The following LDLRAD3 variants were observed in gnomAD, a reference collection of about 807,000 sequenced individuals.
LDLRAD3 encodes low density lipoprotein receptor class A domain containing 3, also known as low-density lipoprotein receptor class A domain-containing protein 3.
A neutral mutation model predicts 29.4 loss-of-function variants in LDLRAD3; 20 were observed. The observed-to-expected ratio is 0.68, with a 90% CI of 0.48 to 0.99. The LOEUF (loss-of-function observed/expected upper bound fraction) is 0.99. LDLRAD3 is among the 50% of genes least tolerant of loss of function. The pLI is 0.00. For missense variants in LDLRAD3, 420 were observed against 454.3 expected, an observed-to-expected ratio of 0.92 and a Z score of 0.69; for synonymous variants, 157 against 192.7, an observed-to-expected ratio of 0.81 and a Z score of 1.53.
At chr11:36,106,328 G>A (rs1196119155) in intron 4 of LDLRAD3, among the ~76,000 whole-genome samples, 1 of 152,126 alleles carries the variant, frequency 6.6e-6, no homozygotes, top group Non-Finnish European at 1.5e-5. Flanking sequence ...TGAAAGCCAT[G>A]GCCTAATCCA....
At chr11:36,158,551 C>T (rs1854388773) in intron 4 of LDLRAD3, among the ~76,000 whole-genome samples, 1 of 141,366 alleles carries the variant, frequency 7.1e-6, no homozygotes, top group Non-Finnish European at 1.5e-5. Flanking sequence ...TTTGCCACAG[C>T]ATTTATTATC....
At chr11:36,196,461 C>A (rs1406907050) in intron 4 of LDLRAD3, 2 of 152,292 alleles carry the variant, frequency 1.3e-5, no homozygotes, top group African/African-American at 4.8e-5. Flanking sequence ...CCCATCTCAT[C>A]GGTATTCAGT....
intron 1 of LDLRAD3, among the ~76,000 whole-genome samples, chr11:35,984,313 T>C (rs1031683112): frequency 4.6e-5 from 7 of 152,140 alleles, no homozygotes; most frequent in African/African-American, 1.7e-4. Context: ...CTTCTGTTAA[T>C]CCTCATGCTA....
chr11:36,071,706 T>C (rs1320646256), intron 2 of LDLRAD3, among the ~76,000 whole-genome samples: 1 of 152,230 alleles, frequency 6.6e-6, no homozygotes, highest in Middle Eastern at 3.2e-3. Context: ...GAGTAGTCTG[T>C]GTGCCTGGCA....
intron 4 of LDLRAD3, among the ~76,000 whole-genome samples, chr11:36,212,123 C>T (rs957548361): frequency 1.3e-5 from 2 of 152,176 alleles, no homozygotes; most frequent in Admixed American, 6.5e-5. Context: ...TAGTCATTTC[C>T]AGATGTGGCC....
chr11:36,115,634 C>A (rs1291922370), intron 4 of LDLRAD3, among the ~76,000 whole-genome samples: 5 of 152,178 alleles, frequency 3.3e-5, no homozygotes, highest in Non-Finnish European at 5.9e-5. Flanking sequence ...TTCCTTATCA[C>A]CCCACGGTCA....
At chr11:36,109,154 A>C (rs1166462466) in intron 4 of LDLRAD3, among the ~76,000 whole-genome samples, 1 of 152,220 alleles carries the variant, frequency 6.6e-6, no homozygotes, top group Non-Finnish European at 1.5e-5. Context: ...GAAGCCCCAA[A>C]GCTAGGGCTT....
intron 1 of LDLRAD3, among the ~76,000 whole-genome samples, chr11:35,979,236 G>T (rs1477385058): frequency 2.6e-5 from 4 of 152,088 alleles, no homozygotes; most frequent in Non-Finnish European, 4.4e-5. Flanking sequence ...AGTAGGGCCC[G>T]GGCTCCTAGA....
At chr11:36,164,916 T>C (rs186181021) in intron 4 of LDLRAD3, among the ~76,000 whole-genome samples, 62 of 152,380 alleles carry the variant, frequency 4.1e-4, no homozygotes, top group African/African-American at 1.3e-3. Context: ...ATTTTACTTA[T>C]ACAACTGACT....
chr11:35,989,834 T>C (rs1403773188), intron 1 of LDLRAD3, among the ~76,000 whole-genome samples: 1 of 152,190 alleles, frequency 6.6e-6, no homozygotes, highest in East Asian at 1.9e-4. Flanking sequence ...AGGTATAGAA[T>C]CATATTGTCA....
At chr11:36,067,995 T>A (rs143905139) in intron 2 of LDLRAD3, among the ~76,000 whole-genome samples, 300 of 152,332 alleles carry the variant, frequency 2.0e-3, no homozygotes, top group African/African-American at 6.7e-3. Flanking sequence ...AGGCAAATGT[T>A]GATACAGCTT....
intron 4 of LDLRAD3, among the ~76,000 whole-genome samples, chr11:36,166,453 G>A (rs762333115): frequency 2.6e-5 from 4 of 152,152 alleles, no homozygotes; most frequent in Non-Finnish European, 4.4e-5. Context: ...GTAAATAGAA[G>A]CCAGTTTGTT....
intron 4 of LDLRAD3, among the ~76,000 whole-genome samples, chr11:36,192,280 T>C (rs536468946): frequency 2.0e-5 from 3 of 152,180 alleles, no homozygotes; most frequent in Non-Finnish European, 2.9e-5. Context: ...CTTTCAAGCA[T>C]CTCTAGCCTC....
At chr11:36,173,423 G>A (rs1189681786) in intron 4 of LDLRAD3, among the ~76,000 whole-genome samples, 2 of 145,434 alleles carry the variant, frequency 1.4e-5, no homozygotes, top group Non-Finnish European at 1.5e-5. Flanking sequence ...ACCTATGAGT[G>A]AGAACATGCA....
At chr11:36,102,299 T>C (rs1853461648) in intron 4 of LDLRAD3, among the ~76,000 whole-genome samples, 1 of 152,194 alleles carries the variant, frequency 6.6e-6, no homozygotes. Context: ...GCTGGGTGTG[T>C]AGCCCTTAAA....
intron 4 of LDLRAD3, among the ~76,000 whole-genome samples, chr11:36,170,507 C>T (rs1373675492): frequency 1.3e-5 from 2 of 151,960 alleles, no homozygotes; most frequent in African/African-American, 2.4e-5. Context: ...TTCTTTTCCT[C>T]TGGGTAGATA....
At chr11:36,105,423 T>G (rs550162780) in intron 4 of LDLRAD3, among the ~76,000 whole-genome samples, 5 of 152,070 alleles carry the variant, frequency 3.3e-5, no homozygotes, top group Non-Finnish European at 7.4e-5. Context: ...TGTTGAATTG[T>G]CCTCCTCCCC....
chr11:36,047,626 A>G (rs2422125), intron 2 of LDLRAD3, among the ~76,000 whole-genome samples: 4,762 of 152,256 alleles, frequency 0.031, 236 homozygotes, highest in Admixed American at 0.13. Flanking sequence ...TTTCCTTTGG[A>G]TGCTGTGCTT....
chr11:36,111,503 T>C (rs1467808399), intron 4 of LDLRAD3, among the ~76,000 whole-genome samples: 10 of 152,268 alleles, frequency 6.6e-5, no homozygotes. Context: ...TGTCAGTTCT[T>C]GTCACATCCC....
Sources: allele counts gnomAD v4.1 joint callset (sites outside exome capture counted in the v4.1 genomes callset), GRCh38; gene constraint gnomAD v4.1.1; transcripts MANE v1.5; gene names NCBI Gene and HGNC (gene_info 2026-07-23, HGNC 2026-07-21).